TBC1D14: variants seen among roughly 807,000 people sequenced by gnomAD.
TBC1D14 encodes TBC1 domain family member 14, also known as TBC1 domain family, member 14.
Under a neutral mutation model 79.0 loss-of-function variants are expected in TBC1D14, and 26 were observed. That is an observed-to-expected ratio of 0.33 (90% CI 0.24 to 0.46). The LOEUF (loss-of-function observed/expected upper bound fraction) is 0.46, where lower values mean the gene tolerates loss of function less well. Ranked by LOEUF, TBC1D14 falls within the 20% of genes least tolerant of loss-of-function variation. The pLI, the probability that TBC1D14 is intolerant of heterozygous loss-of-function variation, is 1.00. For synonymous variants in TBC1D14, 394 were observed against 349.9 expected (o/e 1.13, Z -1.40); for missense variants, 769 against 887.6 (o/e 0.87, Z 1.70).
chr4:6,936,240 C>T (rs935730135), intron 2 of TBC1D14, among the ~76,000 whole-genome samples: 4 of 152,194 alleles, frequency 2.6e-5, no homozygotes, highest in African/African-American at 9.7e-5. Context: ...TGTATAATGA[C>T]ATGTATCTGC....
chr4:6,971,231 AT>A (rs1439830322), intron 3 of TBC1D14, among the ~76,000 whole-genome samples: 1 of 152,264 alleles, frequency 6.6e-6, no homozygotes, highest in African/African-American at 2.4e-5. Context: ...CTAAACAGGC[AT>A]TATGACATCT....
chr4:6,931,910 G>T (rs1416828055), intron 2 of TBC1D14, among the ~76,000 whole-genome samples: 1 of 152,060 alleles, frequency 6.6e-6, no homozygotes, highest in Non-Finnish European at 1.5e-5. Context: ...GGTAAACACA[G>T]TGAGTAGATG....
intron 13 of TBC1D14, among the ~76,000 whole-genome samples, chr4:7,028,593 A>C (rs575981796): frequency 7.9e-5 from 12 of 151,982 alleles, no homozygotes; most frequent in South Asian, 6.2e-4. Context: ...TGCCCAGCTA[A>C]TTTTTGTATT....
rs1186153838 is a variant in TBC1D14 at position 7,030,864 on chromosome 4, A to C, written c.*472A>C. On this transcript the variant is annotated 3_prime_UTR_variant, in exon 14 of 14. Transcript: ENST00000409757. Reference sequence around the variant, plus strand: ...ATTGAGATAGTTTTTCCAGAGCTGGAGGTCACGTTTCTAAAACTCACCTAC... The same window carrying C: ...ATTGAGATAGTTTTTCCAGAGCTGGCGGTCACGTTTCTAAAACTCACCTAC... The C allele has an allele frequency of 6.4e-6, 1 of 155,412 alleles. No homozygotes were observed. Among genetic ancestry groups the C allele is most frequent in the Admixed American group, 6.4e-5 (1 of 15,688 alleles). 9.6% of individuals were successfully genotyped at this position (155,412 alleles called of 1,614,324 possible). A position where few individuals can be genotyped will look rare whatever the true frequency, so the allele number is the denominator to read the frequency against.
chr4:6,991,632 G>A (rs750495913), intron 3 of TBC1D14, among the ~76,000 whole-genome samples: 2 of 152,196 alleles, frequency 1.3e-5, no homozygotes, highest in African/African-American at 2.4e-5. Context: ...GAGGTACAGC[G>A]TGTCCTTGTG....
intron 4 of TBC1D14, among the ~76,000 whole-genome samples, chr4:6,994,887 A>C (rs114732620): frequency 6.6e-6 from 1 of 151,062 alleles, no homozygotes; most frequent in Non-Finnish European, 1.5e-5. Context: ...AAAAAGAAGC[A>C]GTGTGTCTTC....
chr4:6,968,687 C>CTG (rs55673365), intron 3 of TBC1D14, among the ~76,000 whole-genome samples: 65,480 of 151,676 alleles, frequency 0.43, 14,943 homozygotes, highest in East Asian at 0.62. Flanking sequence ...AGGAGGCTGA[C>CTG]CGCCGAGAGG....
At chr4:6,944,822 C>A (rs1268651682) in intron 2 of TBC1D14, among the ~76,000 whole-genome samples, 1 of 152,238 alleles carries the variant, frequency 6.6e-6, no homozygotes, top group Non-Finnish European at 1.5e-5. Flanking sequence ...GACACCCCTT[C>A]CAGGAACCTT....
chr4:6,966,489 A>G (rs1715708960), intron 2 of TBC1D14, among the ~76,000 whole-genome samples: 1 of 152,234 alleles, frequency 6.6e-6, no homozygotes, highest in African/African-American at 2.4e-5. Flanking sequence ...GGTAATACAG[A>G]TTTACCTTGT....
intron 2 of TBC1D14, among the ~76,000 whole-genome samples, chr4:6,945,332 A>G (rs1445299776): frequency 6.6e-6 from 1 of 152,212 alleles, no homozygotes; most frequent in Non-Finnish European, 1.5e-5. Flanking sequence ...GCTGTAAGGC[A>G]GGTGTTTACA....
At chr4:6,999,239 C>T (rs1256192771) in intron 6 of TBC1D14, 37 bp downstream of exon 6, 5 of 1,558,368 alleles carry the variant, frequency 3.2e-6, no homozygotes, top group Non-Finnish European at 4.4e-6. Context: ...AACTGCAGAG[C>T]ATGTCTTTCT....
chr4:6,994,317 ACT>A lies in TBC1D14; in HGVS notation c.962+20_962+21del. 3 of 1,608,118 alleles carry A rather than the reference ACT, an allele frequency of 1.9e-6. No individual in the cohort carries two copies. The highest frequency in any genetic ancestry group is 1.1e-5 in the South Asian group (1 of 90,966). ...GACAGACCAGCGTGAGTTTAAGAAGACTCTCTTTAGAGTGTTTGCTTTAGGAA... is the reference window on the plus strand; with the variant it reads ...GACAGACCAGCGTGAGTTTAAGAAGACTCTTTAGAGTGTTTGCTTTAGGAA... On this transcript the variant is annotated intron_variant, in intron 4 of 13. Coordinates refer to ENST00000409757, the MANE Select transcript of TBC1D14 (RefSeq NM_020773.3).
chr4:6,936,949 C>T (rs1206448207), intron 2 of TBC1D14, among the ~76,000 whole-genome samples: 1 of 151,676 alleles, frequency 6.6e-6, no homozygotes, highest in Non-Finnish European at 1.5e-5. Flanking sequence ...CAGAGTTTTG[C>T]TCTTGTTTCC....
intron 2 of TBC1D14, among the ~76,000 whole-genome samples, chr4:6,934,830 C>T (rs183382319): frequency 3.3e-5 from 5 of 152,270 alleles, no homozygotes; most frequent in African/African-American, 9.6e-5. Flanking sequence ...GTAATCCCAG[C>T]ACTTTGGGAG....
intron 11 of TBC1D14, among the ~76,000 whole-genome samples, chr4:7,014,124 C>T (rs967190005): frequency 2.6e-5 from 4 of 152,158 alleles, no homozygotes; most frequent in Admixed American, 6.6e-5. Flanking sequence ...ACCTTTGCAG[C>T]GGGACAGGCA....
intron 1 of TBC1D14, among the ~76,000 whole-genome samples, chr4:6,919,154 T>A (rs1036087311): frequency 1.1e-4 from 16 of 146,730 alleles, no homozygotes; most frequent in African/African-American, 3.9e-4. Flanking sequence ...AATTTCACCT[T>A]TTTTTTTTTT....
At chr4:6,933,921 G>A (rs370691652) in intron 2 of TBC1D14, among the ~76,000 whole-genome samples, 10 of 152,292 alleles carry the variant, frequency 6.6e-5, no homozygotes, top group Admixed American at 2.0e-4. Context: ...GGGAGGGTGC[G>A]ATTTGAAGAA....
intron 3 of TBC1D14, among the ~76,000 whole-genome samples, chr4:6,990,865 C>A (rs1236306262): frequency 6.6e-6 from 1 of 152,148 alleles, no homozygotes; most frequent in African/African-American, 2.4e-5. Flanking sequence ...CTAGCCCGAC[C>A]TTAGCGCTGA....
At chr4:7,004,068 A>G (rs1363272563) in intron 7 of TBC1D14, among the ~76,000 whole-genome samples, 4 of 152,190 alleles carry the variant, frequency 2.6e-5, no homozygotes, top group African/African-American at 7.2e-5. Flanking sequence ...GTGTCGGGGA[A>G]CAGGGCGCTG....
Sources: gnomAD v4.1 joint callset for allele counts (sites outside exome capture counted in the v4.1 genomes callset) on GRCh38, gnomAD v4.1.1 for gene constraint, MANE v1.5 for transcripts, NCBI Gene and HGNC (gene_info 2026-07-23, HGNC 2026-07-21) for gene names.